THOP1: variants seen among roughly 807,000 people sequenced by gnomAD.
THOP1 encodes thimet oligopeptidase.
THOP1 carries 49 observed loss-of-function variants against 71.8 expected under a neutral mutation model. The ratio of observed to expected loss-of-function variants is 0.68; its 90% CI spans 0.54 to 0.87. THOP1 has a LOEUF of 0.87. Among genes scored for constraint, THOP1 ranks in the 40% least tolerant of loss-of-function variants. The pLI, the probability that THOP1 is intolerant of heterozygous loss-of-function variation, is 0.00. For synonymous variants in THOP1, 426 were observed against 421.5 expected (o/e 1.01, Z -0.13); for missense variants, 843 against 975.6 (o/e 0.86, Z 1.81).
In THOP1 at chr19:2,813,202, C is replaced by T. The variant is rs1297575262; in HGVS notation, c.1996C>T (p.Pro666Ser). 2 of 1,612,404 alleles carry T rather than the reference C, an allele frequency of 1.2e-6. No individual in the cohort carries two copies. The highest frequency in any genetic ancestry group is 3.3e-5 in the Admixed American group (2 of 59,978). The change falls in exon 13 of 13, where the codon CCC (proline) becomes TCC (serine). Residue 666 changes from proline (P) to serine (S), a missense_variant. Transcript: ENST00000307741. ...AMLRRFLGRD[P>S]KQDAFLLSKG... ...GCTGAGGCGCTTCCTGGGCCGTGACCCCAAGCAGGACGCCTTCCTCCTGAG... is the reference window on the plus strand; with the variant it reads ...GCTGAGGCGCTTCCTGGGCCGTGACTCCAAGCAGGACGCCTTCCTCCTGAG...
At chr19:2,810,606 G>A (rs1218384376) in intron 10 of THOP1, 34 bp from the exon 11 acceptor site, 1 of 1,541,940 alleles carries the variant, frequency 6.5e-7, no homozygotes, top group Non-Finnish European at 8.8e-7. Context: ...CGGGGCAGGT[G>A]CAGAGGCCAG....
Position 2,814,750 on chromosome 19 carries a change from C to T in THOP1, c.*1474C>T, listed in dbSNP as rs887128054. On this transcript the variant is annotated 3_prime_UTR_variant, in exon 13 of 13. Transcript: ENST00000307741. ...CGGGAATCCATAAGTGGGAACACCA[C>T]AGTGGTCACGTTTCAGATACTCACA... 1 of 152,422 alleles carries T rather than the reference C, an allele frequency of 6.6e-6. No homozygotes were observed. The highest frequency in any genetic ancestry group is 2.4e-5 in the African/African-American group (1 of 41,456). 9.4% of individuals were successfully genotyped at this position (152,422 alleles called of 1,614,324 possible). A position where few individuals can be genotyped will look rare whatever the true frequency, so the allele number is the denominator to read the frequency against.
rs1267401533 is a variant in THOP1 at position 2,801,500 on chromosome 19, G to A, written c.589+1709G>A. Among the ~76,000 whole-genome samples, 32 of 152,158 alleles carry A rather than the reference G, an allele frequency of 2.1e-4. No homozygotes were observed. Among genetic ancestry groups the A allele is most frequent in the Admixed American group, 2.1e-3 (32 of 15,278 alleles). ...CGTCATGCGGGTGGCTAGCGTGTTG[G>A]GTGACAGTCTCCAGGGCTGTCCGCT... On this transcript the variant is annotated intron_variant, in intron 5 of 12. Coordinates refer to ENST00000307741, the MANE Select transcript of THOP1 (RefSeq NM_003249.5). This position sits in a 1 kb window ranked among gnomAD's most constrained non-coding sequence, Gnocchi z 5.1.
intron 1 of THOP1, among the ~76,000 whole-genome samples, chr19:2,786,163 G>A (rs934159335): frequency 6.6e-6 from 1 of 152,148 alleles, no homozygotes; most frequent in African/African-American, 2.4e-5. Context: ...AGAAGCAAGT[G>A]TCCTGCCAAG....
chr19:2,802,839 G>A (rs1463514496), intron 5 of THOP1, among the ~76,000 whole-genome samples: 1 of 152,240 alleles, frequency 6.6e-6, no homozygotes, highest in Non-Finnish European at 1.5e-5. Context: ...CCGTGTGCAT[G>A]AGGCTTCTGT....
In THOP1 at chr19:2,794,862, G is replaced by A. The variant is rs369652333; in HGVS notation, c.328G>A (p.Val110Met). The change falls in exon 3 of 13, where the codon GTG becomes ATG. Residue 110 changes from valine (V) to methionine (M), a missense_variant. Val to Met is a conservative substitution (Grantham distance 21, BLOSUM62 1). Transcript: ENST00000307741. ...EADKKLSEFD[V>M]EMSMREDVYQ... is the part of the protein sequence containing the mutation. ...CGACAAGAAGCTCTCTGAGTTCGAC[G>A]TGGAGATGAGCATGAGGGAGGACGT... 17 of 1,614,048 alleles carry A rather than the reference G, an allele frequency of 1.1e-5. No individual in the cohort carries two copies. The highest frequency in any genetic ancestry group is 5.0e-5 in the Admixed American group (3 of 60,030).
At chr19:2,798,262 C>T (rs1271406371) in intron 4 of THOP1, among the ~76,000 whole-genome samples, 1 of 152,106 alleles carries the variant, frequency 6.6e-6, no homozygotes, top group Non-Finnish European at 1.5e-5. Context: ...AACTCCTAAC[C>T]TCAAGTGATT....
intron 3 of THOP1, among the ~76,000 whole-genome samples, chr19:2,795,463 A>T (rs969302106): frequency 3.9e-5 from 6 of 152,174 alleles, no homozygotes; most frequent in African/African-American, 1.4e-4. Flanking sequence ...GCTGCTGTTC[A>T]TCCTCTTAGG....
At position 2,804,779 on chromosome 19, in the gene THOP1, G is replaced by C. The variant is rs62123591; in HGVS notation, c.590-237G>C. 2.0e-6 allele frequency: 1 copy of C among 501,034 alleles called. No individual in the cohort carries two copies. 31.0% of individuals were successfully genotyped at this position (501,034 alleles called of 1,614,324 possible). A position where few individuals can be genotyped will look rare whatever the true frequency, so the allele number is the denominator to read the frequency against. On this transcript the variant is annotated intron_variant, in intron 5 of 12. Transcript: ENST00000307741. The surrounding 1 kb of genome is among the most constrained non-coding windows in gnomAD (Gnocchi z 4.7). ...GGGGTTTCCTGGTGGGGTTAGAGGCGGGACGTGAGAAACGTGGCAGGTGGT... is the reference window on the plus strand; with the variant it reads ...GGGGTTTCCTGGTGGGGTTAGAGGCCGGACGTGAGAAACGTGGCAGGTGGT...
chr19:2,786,656 A>T (rs556007158), intron 1 of THOP1, among the ~76,000 whole-genome samples: 2 of 152,000 alleles, frequency 1.3e-5, no homozygotes, highest in South Asian at 2.1e-4. Context: ...TAGTGGTGCA[A>T]TCTCTGCTCA....
chr19:2,812,061 T>C, intron 12 of THOP1: 2 of 1,195,082 alleles, frequency 1.7e-6, no homozygotes, highest in Non-Finnish European at 2.3e-6. Flanking sequence ...CCTCGGGCTG[T>C]GAGTGCTGGG....
At chr19:2,791,139 G>A (rs1005901377) in intron 2 of THOP1, among the ~76,000 whole-genome samples, 10 of 152,160 alleles carry the variant, frequency 6.6e-5, no homozygotes, top group Non-Finnish European at 1.5e-4. Context: ...GTCCTCGGGC[G>A]TCCTCCTCAC....
intron 12 of THOP1, chr19:2,812,347 G>A: frequency 6.5e-7 from 1 of 1,532,598 alleles, no homozygotes; most frequent in Non-Finnish European, 8.7e-7. Context: ...CTGCCTGGGT[G>A]CAACATTGCA....
At position 2,807,547 on chromosome 19, in the gene THOP1, G is replaced by A. The variant is rs763472584; in HGVS notation, c.992G>A (p.Arg331His). ...CGCCGGGGCCTGCCCTTCGACGGCC[G>A]CATCCGTGCCTGGGACATGCGCTAC... ...CERRGLPFDG[R>H]IRAWDMRYYM... Residue 331 changes from arginine to histidine, a missense_variant, in exon 8 of 13, where the codon CGC (arginine) becomes CAC (histidine). Transcript: ENST00000307741. 41 of 1,612,220 alleles carry A rather than the reference G, an allele frequency of 2.5e-5. No homozygotes were observed. The highest frequency in any genetic ancestry group is 9.3e-5 in the African/African-American group (7 of 74,886).
Position 2,813,804 on chromosome 19 carries a change from C to T in THOP1, c.*528C>T, listed in dbSNP as rs183824792. ...CCGGCCTGGGGGGTCTGAGAGACTT[C>T]GGCTTCCTGCATGCTTCTCACCTGT... On this transcript the variant is annotated 3_prime_UTR_variant, in exon 13 of 13. Coordinates refer to ENST00000307741, the MANE Select transcript of THOP1 (RefSeq NM_003249.5). The T allele has an allele frequency of 9.1e-3, 1,389 of 153,366 alleles. 19 individuals carry two copies. Among genetic ancestry groups the T allele is most frequent in the Non-Finnish European group, 9.5e-3 (657 of 68,860 alleles). 9.5% of individuals were successfully genotyped at this position (153,366 alleles called of 1,614,324 possible). A position where few individuals can be genotyped will look rare whatever the true frequency, so the allele number is the denominator to read the frequency against.
rs985759328 is a variant in THOP1, at chr19:2,813,732, C to T, written c.*456C>T. On this transcript the variant is annotated 3_prime_UTR_variant, in exon 13 of 13. Coordinates refer to ENST00000307741, the MANE Select transcript of THOP1 (RefSeq NM_003249.5). ...ATTGGGGCTCAGGTCCTTGTGGGGGCGGGGGGTGGGGGAGTAAAGGGCTGG... is the reference window on the plus strand; with the variant it reads ...ATTGGGGCTCAGGTCCTTGTGGGGGTGGGGGGTGGGGGAGTAAAGGGCTGG... 6.6e-5 allele frequency: 4 copies of T among 60,750 alleles called. No individual in the cohort carries two copies. The highest frequency in any genetic ancestry group is 1.4e-4 in the African/African-American group (2 of 14,284). The allele number at this position is 60,750 out of a possible 1,614,324, so 3.8% of individuals were successfully genotyped here.
chr19:2,811,426 T>C (rs1386473014), intron 11 of THOP1, among the ~76,000 whole-genome samples, 172 bp from the exon 12 acceptor site: 6 of 152,176 alleles, frequency 3.9e-5, no homozygotes, highest in African/African-American at 1.4e-4. Context: ...GGCCCTCGCT[T>C]TGTGGCTGAC....
intron 5 of THOP1, among the ~76,000 whole-genome samples, chr19:2,803,677 CG>C (rs1199321488): frequency 1.3e-5 from 2 of 152,172 alleles, no homozygotes; most frequent in African/African-American, 4.8e-5. Context: ...GTGCAGGTCC[CG>C]GGAGGCCTCC....
intron 1 of THOP1, among the ~76,000 whole-genome samples, chr19:2,786,765 A>ATTTTTTTTTTTTTT (rs550767741): frequency 0.18 from 18,008 of 97,646 alleles, 2,211 homozygotes; most frequent in East Asian, 0.32. Flanking sequence ...CACCTGGCTA[A>ATTTTTTTTTTTTTT]TTTTTTTTTT....
Sources: gnomAD v4.1 joint callset for allele counts (sites outside exome capture counted in the v4.1 genomes callset) on GRCh38, gnomAD v4.1.1 for gene constraint, Gnocchi (gnomAD v3.1) non-coding constraint, MANE v1.5 for transcripts, NCBI Gene and HGNC (gene_info 2026-07-23, HGNC 2026-07-21) for gene names.